Variants in SPDYA observed in about 807,000 individuals in gnomAD.
SPDYA encodes the protein speedy protein A.
In SPDYA, 11 loss-of-function variants were observed where a neutral mutation model predicts 36.7. The observed-to-expected ratio is 0.30, with a 90% confidence interval of 0.19 to 0.50. SPDYA has a LOEUF of 0.50. Among genes scored for constraint, SPDYA ranks in the 20% least tolerant of loss-of-function variants. SPDYA has a pLI of 0.98. For missense variants in SPDYA, 287 were observed against 370.9 expected (o/e 0.77, Z 1.86); for synonymous variants, 115 against 118.7 (o/e 0.97, Z 0.20).
At chr2:28,846,722 TACACACACACACACACACACACACAC>T (rs58731880) in intron 7 of SPDYA, among the ~76,000 whole-genome samples, 57 of 126,558 alleles carry the variant, frequency 4.5e-4, no homozygotes, top group African/African-American at 1.6e-3. Context: ...AGAAGAAAAC[TACACACACACACACACACACACACAC>T]ACACACACAC....
Position 28,829,276 on chromosome 2 carries a change from G to T in SPDYA, c.509G>T (p.Arg170Ile), listed in dbSNP as rs1049964458. The T allele has an allele frequency of 6.2e-7, 1 of 1,614,026 alleles. No homozygotes were observed. Among genetic ancestry groups the T allele is most frequent in the Non-Finnish European group, 8.5e-7 (1 of 1,179,976 alleles). Residue 170 changes from arginine to isoleucine, a missense_variant, in exon 6 of 8, where the codon AGA becomes ATA. Transcript: ENST00000334056. ...AAGTTAAGGGACCAGCTCTGGGATAGAATTGACTATAGGGCTATTGTAAGC... is the reference window on the plus strand; with the variant it reads ...AAGTTAAGGGACCAGCTCTGGGATATAATTGACTATAGGGCTATTGTAAGC... ...FLKLRDQLWDRIDYRAIVSRR... is the reference protein window; with the variant it reads ...FLKLRDQLWDIIDYRAIVSRR...
intron 6 of SPDYA, among the ~76,000 whole-genome samples, chr2:28,837,601 C>G (rs567263769): frequency 6.6e-6 from 1 of 152,248 alleles, no homozygotes; most frequent in South Asian, 2.1e-4. Context: ...ATTATTAACT[C>G]TCACAATTCT....
chr2:28,845,275 T>G (rs967353359), intron 7 of SPDYA, among the ~76,000 whole-genome samples: 1 of 150,664 alleles, frequency 6.6e-6, no homozygotes, highest in African/African-American at 2.4e-5. Flanking sequence ...CTTTTTTTTT[T>G]TGTAGAGACT....
chr2:28,849,672 C>A (rs1404380287), intron 7 of SPDYA, 178 bp from the exon 8 acceptor site: 5 of 497,726 alleles, frequency 1.0e-5, no homozygotes, highest in Middle Eastern at 5.4e-4. Flanking sequence ...GATTCAAGAG[C>A]CTGTTACATC....
intron 7 of SPDYA, among the ~76,000 whole-genome samples, chr2:28,845,083 C>T (rs1668836976): frequency 1.3e-5 from 2 of 152,010 alleles, no homozygotes; most frequent in South Asian, 2.1e-4. Context: ...CTGTGCCCAG[C>T]CAAATGCTTT....
intron 4 of SPDYA, 44 bp from the exon 5 acceptor site, chr2:28,822,281 G>A (rs754230766): frequency 8.5e-6 from 8 of 942,652 alleles, no homozygotes; most frequent in Non-Finnish European, 1.1e-5. Flanking sequence ...TTTTATTTAT[G>A]AAAGCAAAAC....
At chr2:28,826,097 T>A (rs1296133100) in intron 5 of SPDYA, among the ~76,000 whole-genome samples, 1 of 151,928 alleles carries the variant, frequency 6.6e-6, no homozygotes, top group African/African-American at 2.4e-5. Flanking sequence ...AATAACTTAC[T>A]TGGGATTTGG....
intron 5 of SPDYA, among the ~76,000 whole-genome samples, chr2:28,822,751 C>G (rs904030888): frequency 4.6e-5 from 7 of 152,038 alleles, no homozygotes; most frequent in African/African-American, 1.7e-4. Context: ...GAGATTACAG[C>G]CACGTGCCAC....
intron 3 of SPDYA, among the ~76,000 whole-genome samples, chr2:28,817,446 A>G (rs1349376479): frequency 6.6e-6 from 1 of 152,192 alleles, no homozygotes; most frequent in Middle Eastern, 3.2e-3. Flanking sequence ...CTGTAATCCC[A>G]GCTACTTGGG....
In SPDYA at chr2:28,816,130, G is replaced by T. The variant is rs147576920; in HGVS notation, c.116G>T (p.Cys39Phe). ...CCCATTACTCTGAAGCGTCCTATTT[G>T]TAAAGATAATTGGCAAGCATTTGAA... Reference protein sequence around the residue: ...KKPITLKRPICKDNWQAFEKN... With the variant: ...KKPITLKRPIFKDNWQAFEKN... The change falls in exon 3 of 8, where the codon TGT (cysteine) becomes TTT (phenylalanine). Residue 39 changes from cysteine (C) to phenylalanine (F), a missense_variant. By Grantham distance (205) the Cys-to-Phe change is radical (BLOSUM62 -2). Transcript: ENST00000334056. The T allele has an allele frequency of 1.6e-4, 251 of 1,613,770 alleles. No homozygotes were observed. The highest frequency in any genetic ancestry group is 2.0e-4 in the Non-Finnish European group (238 of 1,179,944).
chr2:28,811,828 C>T lies in SPDYA; in HGVS notation c.-93+881C>T, dbSNP rs970983419. Reference sequence around the variant, plus strand: ...AAAAGTATCCTGGCATGGTGGCGGGCGCCTGTAATCCCAGCTCCTCGGGAG... The same window carrying T: ...AAAAGTATCCTGGCATGGTGGCGGGTGCCTGTAATCCCAGCTCCTCGGGAG... On this transcript the variant is annotated intron_variant, in intron 1 of 7. Transcript: ENST00000334056. The surrounding 1 kb of genome is among the most constrained non-coding windows in gnomAD (Gnocchi z 4.2). Among the ~76,000 whole-genome samples the T allele has an allele frequency of 1.2e-4, 18 of 151,594 alleles. No homozygotes were observed. The highest frequency in any genetic ancestry group is 3.4e-4 in the African/African-American group (14 of 41,220).
chr2:28,815,858 G>A, intron 2 of SPDYA, 139 bp from the exon 3 acceptor site: 1 of 556,910 alleles, frequency 1.8e-6, no homozygotes, highest in Non-Finnish European at 3.0e-6. Flanking sequence ...ATTTTTAATG[G>A]GAGTCACTGT....
intron 7 of SPDYA, among the ~76,000 whole-genome samples, chr2:28,844,492 TG>T (rs1668822095): frequency 6.6e-6 from 1 of 152,130 alleles, no homozygotes; most frequent in Non-Finnish European, 1.5e-5. Context: ...CATGAAATCA[TG>T]AGAGTAAACA....
chr2:28,823,722 TATATATATATATATATATATATAAAA>T (rs1668232971), intron 5 of SPDYA, among the ~76,000 whole-genome samples: 1 of 107,360 alleles, frequency 9.3e-6, no homozygotes, highest in South Asian at 3.3e-4. Flanking sequence ...TATATATATA[TATATATATATATATATATATATAAAA>T]TTTTTTTTTT....
intron 6 of SPDYA, among the ~76,000 whole-genome samples, chr2:28,831,612 T>C (rs771879013): frequency 1.8e-4 from 28 of 152,216 alleles, no homozygotes; most frequent in Admixed American, 5.9e-4. Context: ...AATTTGTAAT[T>C]ATTTATTTGC....
intron 7 of SPDYA, among the ~76,000 whole-genome samples, chr2:28,845,590 G>A (rs1668852313): frequency 6.6e-6 from 1 of 152,246 alleles, no homozygotes; most frequent in Non-Finnish European, 1.5e-5. Context: ...TGTTGCCCAG[G>A]CTGGAGTGCA....
At chr2:28,817,208 A>G (rs919401736) in intron 3 of SPDYA, among the ~76,000 whole-genome samples, 1 of 152,202 alleles carries the variant, frequency 6.6e-6, no homozygotes, top group African/African-American at 2.4e-5. Flanking sequence ...TTAGTACCCA[A>G]AACTCATCAT....
At chr2:28,822,555 A>T (rs1558323536) in intron 5 of SPDYA, 145 bp downstream of exon 5, 1 of 388,302 alleles carries the variant, frequency 2.6e-6, no homozygotes, top group Non-Finnish European at 4.7e-6. Context: ...CTTTAATAGG[A>T]TATTTTTATG....
chr2:28,811,876 A>T lies in SPDYA; in HGVS notation c.-93+929A>T, dbSNP rs1228938811. ...GAGGCTGAGGCGGGAGAATCGCTTG[A>T]ACCCGGGAGGCAGAGGTGGCAGTGA... On this transcript the variant is annotated intron_variant, in intron 1 of 7. Transcript: ENST00000334056. The surrounding 1 kb of genome is among the most constrained non-coding windows in gnomAD (Gnocchi z 4.2). 6.6e-6 allele frequency among the ~76,000 whole-genome samples: 1 copy of T among 152,132 alleles called. No individual in the cohort carries two copies. The highest frequency in any genetic ancestry group is 1.5e-5 in the Non-Finnish European group (1 of 68,014).
Sources: gnomAD v4.1 joint callset for allele counts (sites outside exome capture counted in the v4.1 genomes callset) on GRCh38, gnomAD v4.1.1 for gene constraint, Gnocchi (gnomAD v3.1) non-coding constraint, MANE v1.5 for transcripts, NCBI Gene and HGNC (gene_info 2026-07-23, HGNC 2026-07-21) for gene names.